Variants in NCOR2 observed in about 807,000 individuals in gnomAD.
NCOR2 encodes the protein CTG repeat protein 26.
NCOR2 carries 81 observed loss-of-function variants against 262.9 expected under a neutral mutation model. The observed-to-expected ratio is 0.31, with a 90% CI of 0.26 to 0.37. NCOR2 has a LOEUF of 0.37. Among genes scored for constraint, NCOR2 ranks in the 10% least tolerant of loss-of-function variants. The pLI, the probability that NCOR2 is intolerant of heterozygous loss-of-function variation, is 1.00. For synonymous variants in NCOR2, 1,659 were observed against 1,559.3 expected (o/e 1.06, Z -1.51); for missense variants, 3,385 against 3,621.4 (o/e 0.93, Z 1.68).
chr12:124,388,761 C>A (rs752649016), intron 16 of NCOR2: 2 of 1,303,942 alleles, frequency 1.5e-6, no homozygotes, highest in East Asian at 5.6e-5. Flanking sequence ...GGGAGCGGGC[C>A]GAAGTGGGCC....
At chr12:124,326,313 G>C in exon 46 of NCOR2, 1 of 1,549,354 alleles carries the variant, frequency 6.5e-7, no homozygotes, top group Non-Finnish European at 8.7e-7. Context: ...GCCCGGGGCC[G>C]GGGACTTGGC....
At chr12:124,552,117 C>T (rs1167090692) in intron 1 of NCOR2, among the ~76,000 whole-genome samples, 1 of 152,062 alleles carries the variant, frequency 6.6e-6, no homozygotes, top group Non-Finnish European at 1.5e-5. Context: ...CTCAGGAGTT[C>T]AAGACCAGCC....
At chr12:124,337,145 G>A (rs1383337657) in exon 38 of NCOR2, 2 of 1,518,382 alleles carry the variant, frequency 1.3e-6, no homozygotes, top group East Asian at 2.4e-5. Context: ...TGGGAATGTG[G>A]CAGCCGGGCG....
intron 1 of NCOR2, among the ~76,000 whole-genome samples, chr12:124,519,089 TACACACAC>T (rs57438929): frequency 8.2e-5 from 8 of 97,320 alleles, no homozygotes; most frequent in African/African-American, 1.7e-4. Context: ...GGCCAAATAA[TACACACAC>T]ACACACACAC....
chr12:124,460,586 G>C (rs1490419561), intron 5 of NCOR2, among the ~76,000 whole-genome samples: 1 of 152,214 alleles, frequency 6.6e-6, no homozygotes, highest in Non-Finnish European at 1.5e-5. Context: ...CCCCTCCATA[G>C]AGGTGGATGA....
At chr12:124,520,873 C>T (rs193083326) in intron 1 of NCOR2, among the ~76,000 whole-genome samples, 9 of 152,260 alleles carry the variant, frequency 5.9e-5, no homozygotes, top group South Asian at 2.1e-4. Context: ...AGAGCTTTGA[C>T]GGTGGGAAAG....
At chr12:124,360,059 C>T (rs576130264) in intron 22 of NCOR2, among the ~76,000 whole-genome samples, 1 of 152,346 alleles carries the variant, frequency 6.6e-6, no homozygotes, top group African/African-American at 2.4e-5. Flanking sequence ...CCGGTGGCTC[C>T]CTTTCTCCCA....
chr12:124,449,210 T>C (rs925123798), intron 7 of NCOR2, among the ~76,000 whole-genome samples: 2 of 152,140 alleles, frequency 1.3e-5, no homozygotes, highest in Non-Finnish European at 2.9e-5. Context: ...CCTCACCCAA[T>C]GGCAGTGGCA....
chr12:124,356,645 G>A (rs2037979797), exon 23 of NCOR2: 1 of 1,435,190 alleles, frequency 7.0e-7, no homozygotes, highest in Non-Finnish European at 9.1e-7. Flanking sequence ...TACTTACCAG[G>A]TGGAGCGTAG....
At chr12:124,372,512 G>T in exon 20 of NCOR2, 1 of 1,592,292 alleles carries the variant, frequency 6.3e-7, no homozygotes, top group African/African-American at 1.3e-5. Context: ...TCGGCGCCCA[G>T]GGTGGCTGGG....
At chr12:124,487,842 C>T (rs1353892226) in intron 1 of NCOR2, among the ~76,000 whole-genome samples, 1 of 145,882 alleles carries the variant, frequency 6.9e-6, no homozygotes, top group Non-Finnish European at 1.5e-5. Flanking sequence ...TTGCCAAGTA[C>T]ACCCAGATTT....
chr12:124,389,365 C>T lies in NCOR2; in HGVS notation c.1877-3478G>A, dbSNP rs944840355. ...CGGAGGCTCGCGGCGGGCGGGCAGG[C>T]GGGCGGGGGAGCGTGGCAGAGGCCC... On this transcript the variant is annotated intron_variant, in intron 16 of 46. Transcript: ENST00000405201. This position sits in a 1 kb window ranked among gnomAD's most constrained non-coding sequence, Gnocchi z 4.4. Among the ~76,000 whole-genome samples, 7 of 152,072 alleles carry T rather than the reference C, an allele frequency of 4.6e-5. No individual in the cohort carries two copies. The highest frequency in any genetic ancestry group is 1.9e-4 in the East Asian group (1 of 5,164).
In NCOR2 at chr12:124,531,185, C is replaced by T. The variant is rs2050752123; in HGVS notation, c.-118+4380G>A. Among the ~76,000 whole-genome samples, 1 of 152,168 alleles carries T rather than the reference C, an allele frequency of 6.6e-6. No individual in the cohort carries two copies. The highest frequency in any genetic ancestry group is 1.5e-5 in the Non-Finnish European group (1 of 68,018). On this transcript the variant is annotated intron_variant, in intron 1 of 46. Coordinates refer to the NCOR2 transcript ENST00000404621. This position sits in a 1 kb window ranked among gnomAD's most constrained non-coding sequence, Gnocchi z 4.5. ...TCTGGGAGGCATCCACCAACTCATG[C>T]TGAACAACAGTCCAGCCAGAGCCCA...
rs1249854349 is a variant in NCOR2, at chr12:124,347,919, G to A, written c.3986-8C>T. 2.6e-6 allele frequency: 4 copies of A among 1,556,502 alleles called. No homozygotes were observed. Among genetic ancestry groups the A allele is most frequent in the Middle Eastern group, 3.3e-4 (2 of 6,020 alleles). ...TGGCACGGCCCATGAGACCTGGGTA[G>A]GAGAGGGTGAGGCCATCATTCCGTG... On this transcript the variant is annotated splice_region_variant and splice_polypyrimidine_tract_variant and intron_variant, in intron 29 of 46. Coordinates refer to ENST00000405201, the Ensembl canonical transcript of NCOR2.
intron 1 of NCOR2, among the ~76,000 whole-genome samples, chr12:124,565,227 G>A (rs1038635917): frequency 1.3e-5 from 2 of 152,110 alleles, no homozygotes; most frequent in Non-Finnish European, 2.9e-5. Context: ...GAAGAGGCCA[G>A]GGCTGGGGCC....
At chr12:124,552,867 G>C (rs905609922) in intron 1 of NCOR2, among the ~76,000 whole-genome samples, 1 of 151,504 alleles carries the variant, frequency 6.6e-6, no homozygotes, top group African/African-American at 2.4e-5. Flanking sequence ...GTTTTTTATA[G>C]AGACAGGGGG....
chr12:124,438,726 GAC>G (rs2044539945), intron 7 of NCOR2, among the ~76,000 whole-genome samples: 1 of 150,422 alleles, frequency 6.6e-6, no homozygotes, highest in African/African-American at 2.4e-5. Flanking sequence ...GACCCAGAGA[GAC>G]AGGGAAACAG....
At chr12:124,434,531 C>A (rs766326647) in intron 8 of NCOR2, among the ~76,000 whole-genome samples, 1 of 152,126 alleles carries the variant, frequency 6.6e-6, no homozygotes, top group Non-Finnish European at 1.5e-5. Context: ...CACTGGCGAT[C>A]TTTAAAGAAC....
In NCOR2 at chr12:124,343,453, T is replaced by C. The variant is rs570132146; in HGVS notation, c.4715-227A>G. Among the ~76,000 whole-genome samples, 5 of 152,324 alleles carry C rather than the reference T, an allele frequency of 3.3e-5. 1 individual carries two copies. In the South Asian group the frequency reaches 6.2e-4, roughly 19 times the overall value. The stretch of plus-strand genomic sequence containing the variant: ...CACTCACTCAATCAATTAAAAAATA[T>C]TGATGCAGCCTCTACTACGTGGCAA... On this transcript the variant is annotated intron_variant, in intron 32 of 46. Coordinates refer to ENST00000405201, the Ensembl canonical transcript of NCOR2.
Sources: gnomAD v4.1 joint callset for allele counts (sites outside exome capture counted in the v4.1 genomes callset) on GRCh38, gnomAD v4.1.1 for gene constraint, Gnocchi (gnomAD v3.1) non-coding constraint, MANE v1.5 for transcripts, NCBI Gene and HGNC (gene_info 2026-07-23, HGNC 2026-07-21) for gene names.